The following SNTG1 variants were observed in gnomAD, a reference collection of about 807,000 sequenced individuals.
SNTG1 encodes the protein gamma-1-syntrophin.
In SNTG1, 39 loss-of-function variants were observed where a neutral mutation model predicts 74.7. The observed-to-expected ratio is 0.52, with a 90% CI of 0.40 to 0.68. SNTG1 has a LOEUF of 0.68. Among genes scored for constraint, SNTG1 ranks in the 30% least tolerant of loss-of-function variants. The pLI, the probability that SNTG1 is intolerant of heterozygous loss-of-function variation, is 0.00. For missense variants in SNTG1, 685 were observed against 609.5 expected, an observed-to-expected ratio of 1.12 and a Z score of -1.30; for synonymous variants, 254 against 217.1, an observed-to-expected ratio of 1.17 and a Z score of -1.49.
chr8:50,276,488 A>C (rs1823465), intron 2 of SNTG1, among the ~76,000 whole-genome samples: 6,582 of 151,596 alleles, frequency 0.043, 224 homozygotes, highest in Non-Finnish European at 0.07. Flanking sequence ...CCTAGAAGGC[A>C]ATGATTTTAA....
At chr8:50,062,394 T>C (rs896976372) in intron 1 of SNTG1, among the ~76,000 whole-genome samples, 1 of 152,178 alleles carries the variant, frequency 6.6e-6, no homozygotes, top group African/African-American at 2.4e-5. Flanking sequence ...TATTTTTTTT[T>C]CAACTCTTAT....
rs2090458537 is a variant in SNTG1, at chr8:50,319,808, T to C, written c.-27-74404T>C. On this transcript the variant is annotated intron_variant, in intron 2 of 18. Coordinates refer to ENST00000642720, the MANE Select transcript of SNTG1 (RefSeq NM_018967.5). ...TATATGGTTTTTGTCCTTCATTCTGTTGATACAATGCTTCATATTAATTGA... is the reference window on the plus strand; with the variant it reads ...TATATGGTTTTTGTCCTTCATTCTGCTGATACAATGCTTCATATTAATTGA... Among the ~76,000 whole-genome samples the C allele has an allele frequency of 1.3e-5, 2 of 152,214 alleles. 1 individual carries two copies. The highest frequency in any genetic ancestry group is 4.1e-4 in the South Asian group (2 of 4,830).
At chr8:50,722,436 A>C (rs1361412101) in intron 17 of SNTG1, among the ~76,000 whole-genome samples, 4 of 152,020 alleles carry the variant, frequency 2.6e-5, no homozygotes, top group Non-Finnish European at 5.9e-5. Context: ...TCAGCCTCCC[A>C]GTGTGCTGGG....
At chr8:49,984,857 T>C (rs1813013495) in intron 1 of SNTG1, among the ~76,000 whole-genome samples, 1 of 152,176 alleles carries the variant, frequency 6.6e-6, no homozygotes, top group South Asian at 2.1e-4. Context: ...TGGAGGTGTG[T>C]CATGGAAAGT....
intron 9 of SNTG1, among the ~76,000 whole-genome samples, chr8:50,515,401 T>G (rs1173693004): frequency 9.5e-6 from 1 of 105,256 alleles, no homozygotes; most frequent in African/African-American, 5.9e-5. Context: ...TTTTTTTTTT[T>G]TTTTTTTTTT....
chr8:50,276,409 A>AT, intron 2 of SNTG1, among the ~76,000 whole-genome samples: 3 of 138,334 alleles, frequency 2.2e-5, no homozygotes, highest in South Asian at 2.3e-4. Flanking sequence ...ATATATATAT[A>AT]AATCATATAT....
chr8:50,210,905 C>A (rs562377141), intron 2 of SNTG1, among the ~76,000 whole-genome samples: 11 of 152,270 alleles, frequency 7.2e-5, no homozygotes, highest in African/African-American at 2.6e-4. Context: ...TGTACATAGT[C>A]ACTAATTAGC....
At chr8:50,729,536 C>T (rs548235806) in intron 17 of SNTG1, among the ~76,000 whole-genome samples, 4 of 151,516 alleles carry the variant, frequency 2.6e-5, no homozygotes, top group African/African-American at 4.9e-5. Flanking sequence ...TACCTCCCCT[C>T]CAGTGATGGG....
chr8:49,953,773 A>G (rs965241598), intron 1 of SNTG1, among the ~76,000 whole-genome samples: 4 of 152,130 alleles, frequency 2.6e-5, no homozygotes, highest in African/African-American at 7.2e-5. Context: ...GTAAAGGAAG[A>G]CACATCCTGT....
At chr8:50,354,704 G>A (rs2091768559) in intron 2 of SNTG1, among the ~76,000 whole-genome samples, 1 of 152,092 alleles carries the variant, frequency 6.6e-6, no homozygotes, top group Non-Finnish European at 1.5e-5. Context: ...GCTCAGGTGG[G>A]TCTGCAGGTC....
intron 2 of SNTG1, among the ~76,000 whole-genome samples, chr8:50,204,963 C>T (rs1467659739): frequency 1.3e-5 from 2 of 152,192 alleles, no homozygotes; most frequent in Non-Finnish European, 2.9e-5. Context: ...TTAATCCAGT[C>T]TATCATTGAT....
intron 1 of SNTG1, among the ~76,000 whole-genome samples, chr8:50,003,015 T>C (rs1218172341): frequency 2.0e-5 from 3 of 152,154 alleles, no homozygotes; most frequent in Non-Finnish European, 4.4e-5. Context: ...ACATATTATA[T>C]GATTCCACTT....
intron 1 of SNTG1, among the ~76,000 whole-genome samples, chr8:50,006,339 G>A (rs1031139185): frequency 3.3e-5 from 5 of 152,116 alleles, no homozygotes; most frequent in Non-Finnish European, 7.4e-5. Flanking sequence ...ATTTGAAATT[G>A]CTGTTGAAAC....
At chr8:50,485,261 C>T (rs139140586) in intron 8 of SNTG1, among the ~76,000 whole-genome samples, 32 of 152,246 alleles carry the variant, frequency 2.1e-4, no homozygotes, top group African/African-American at 5.8e-4. Flanking sequence ...CACTAAGCAA[C>T]GAGACAACTG....
chr8:50,393,535 T>C (rs1032770627), intron 2 of SNTG1, among the ~76,000 whole-genome samples: 2 of 152,168 alleles, frequency 1.3e-5, no homozygotes, highest in Non-Finnish European at 2.9e-5. Context: ...TTTGGTTAGG[T>C]GTATCACGTA....
chr8:50,551,622 C>T (rs1016715134), intron 11 of SNTG1, among the ~76,000 whole-genome samples: 2 of 152,274 alleles, frequency 1.3e-5, no homozygotes, highest in Middle Eastern at 3.4e-3. Context: ...TGCCATTATA[C>T]ATCAGAATTA....
chr8:49,937,075 G>C (rs1808151201), intron 1 of SNTG1, among the ~76,000 whole-genome samples: 1 of 152,198 alleles, frequency 6.6e-6, no homozygotes, highest in African/African-American at 2.4e-5. Context: ...CTTGAACCCG[G>C]GAGGCGGAGG....
intron 1 of SNTG1, among the ~76,000 whole-genome samples, chr8:50,152,197 A>C (rs910875839): frequency 3.3e-5 from 5 of 152,024 alleles, no homozygotes; most frequent in African/African-American, 1.2e-4. Context: ...TGTTGGTTTA[A>C]AGTCTGTTTT....
In SNTG1 at chr8:50,708,925, G is replaced by T; in HGVS notation, c.1231G>T (p.Gly411Ter). ...ATGTGTGCTAGAAAGTCATCTAATG[G>T]GACTCACAATTGATTTCAGCACAGG... Reference protein sequence around the residue: ...YACVLESHLMGLTIDFSTGFI... With the variant: ...YACVLESHLM Residue 411 changes from glycine to a stop codon, truncating the protein, a stop_gained, in exon 17 of 19, where the codon GGA becomes TGA. Coordinates refer to ENST00000642720, the MANE Select transcript of SNTG1 (RefSeq NM_018967.5). LOFTEE classifies it high-confidence loss of function. 1 of 1,613,694 alleles carries T rather than the reference G, an allele frequency of 6.2e-7. No individual in the cohort carries two copies. Among genetic ancestry groups the T allele is most frequent in the Non-Finnish European group, 8.5e-7 (1 of 1,179,860 alleles).
Sources: allele counts gnomAD v4.1 joint callset (sites outside exome capture counted in the v4.1 genomes callset), GRCh38; gene constraint gnomAD v4.1.1; transcripts MANE v1.5; gene names NCBI Gene and HGNC (gene_info 2026-07-23, HGNC 2026-07-21).